Variants in ZZEF1 observed in about 807,000 individuals in gnomAD.
The protein encoded by ZZEF1 is zinc finger ZZ-type and EF-hand domain containing 1.
ZZEF1 carries 157 observed loss-of-function variants against 342.8 expected under a neutral mutation model. That is an observed-to-expected ratio of 0.46 (90% CI 0.40 to 0.52). The LOEUF (loss-of-function observed/expected upper bound fraction) is 0.52, where lower values mean the gene tolerates loss of function less well. Ranked by LOEUF, ZZEF1 falls within the 20% of genes least tolerant of loss-of-function variation. ZZEF1 has a pLI of 0.00. For synonymous variants in ZZEF1, 1,505 were observed against 1,429.1 expected, an observed-to-expected ratio of 1.05 and a Z score of -1.20; for missense variants, 3,480 against 3,725.6, an observed-to-expected ratio of 0.93 and a Z score of 1.72.
rs766653623 is a variant in ZZEF1 at position 4,095,842 on chromosome 17, A to T, written c.1902T>A (p.Phe634Leu). 18 of 1,606,984 alleles carry T rather than the reference A, an allele frequency of 1.1e-5. No homozygotes were observed. The highest frequency in any genetic ancestry group is 1.5e-5 in the Non-Finnish European group (18 of 1,177,080). Residue 634 changes from phenylalanine (F) to leucine (L), a missense_variant, in exon 11 of 55, where the codon TTT (phenylalanine) becomes TTA (leucine). Coordinates refer to ENST00000381638, the MANE Select transcript of ZZEF1 (RefSeq NM_015113.4). ...DKWKLQELRQFVKSRIGCSSD... is the reference protein window; with the variant it reads ...DKWKLQELRQLVKSRIGCSSD... ...TTTTACCTTCTTACCTGCTTTTTAC[A>T]AATTGCCTGAGCTCCTGAAGCTTCC...
chr17:4,050,359 C>G (rs1443378505), intron 36 of ZZEF1, among the ~76,000 whole-genome samples: 1 of 152,110 alleles, frequency 6.6e-6, no homozygotes, highest in African/African-American at 2.4e-5. Flanking sequence ...ACTCCTTAGT[C>G]GAGTCAGATT....
chr17:4,045,585 C>T (rs1019438069), intron 37 of ZZEF1, among the ~76,000 whole-genome samples: 2 of 152,084 alleles, frequency 1.3e-5, no homozygotes. Flanking sequence ...TATTTTATTG[C>T]TGTAGAAACT....
At chr17:4,025,420 C>G (rs963901265) in intron 42 of ZZEF1, among the ~76,000 whole-genome samples, 14 of 152,270 alleles carry the variant, frequency 9.2e-5, no homozygotes, top group Admixed American at 2.6e-4. Context: ...GACGTGGTGG[C>G]TCATGCCTGT....
At chr17:4,050,347 C>A (rs1474206044) in intron 36 of ZZEF1, among the ~76,000 whole-genome samples, 1 of 152,120 alleles carries the variant, frequency 6.6e-6, no homozygotes, top group South Asian at 2.1e-4. Context: ...TTTCTTCCCA[C>A]CACTCCTTAG....
intron 1 of ZZEF1, among the ~76,000 whole-genome samples, chr17:4,139,417 G>A (rs914740966): frequency 1.6e-4 from 25 of 152,272 alleles, no homozygotes; most frequent in Non-Finnish European, 4.4e-5. Context: ...TTATAAAAAC[G>A]AATGACGGAA....
At position 4,059,298 on chromosome 17, in the gene ZZEF1, CAG is replaced by C; in HGVS notation, c.4884-10_4884-9del. 1.3e-6 allele frequency: 2 copies of C among 1,592,306 alleles called. No homozygotes were observed. Among genetic ancestry groups the C allele is most frequent in the South Asian group, 2.3e-5 (2 of 85,334 alleles). On this transcript the variant is annotated splice_polypyrimidine_tract_variant and intron_variant, in intron 30 of 54. Transcript: ENST00000381638. ...TCCAGGTGTCCAAAATAACTAGAAA[CAG>C]AGGAAATCACTGATTCACTTAATTG...
chr17:4,057,590 A>G (rs2057191946), intron 32 of ZZEF1, among the ~76,000 whole-genome samples: 1 of 152,188 alleles, frequency 6.6e-6, no homozygotes, highest in Non-Finnish European at 1.5e-5. Flanking sequence ...TAACATATAC[A>G]TGTAACAAAA....
chr17:4,071,728 G>T (rs1403464365), intron 25 of ZZEF1, among the ~76,000 whole-genome samples: 3 of 152,152 alleles, frequency 2.0e-5, no homozygotes, highest in African/African-American at 7.2e-5. Context: ...AGAAGTGACC[G>T]GTCTTTGGTT....
At chr17:4,126,497 G>A (rs555370751) in intron 1 of ZZEF1, among the ~76,000 whole-genome samples, 1 of 152,278 alleles carries the variant, frequency 6.6e-6, no homozygotes, top group South Asian at 2.1e-4. Flanking sequence ...GGAAACAGAT[G>A]GATAAGTAGT....
rs2057380158 is a variant in ZZEF1, at chr17:4,065,778, AT to A, written c.4249+668del. Among the ~76,000 whole-genome samples, 4 of 152,292 alleles carry A rather than the reference AT, an allele frequency of 2.6e-5. No individual in the cohort carries two copies. The South Asian group carries it at 8.3e-4, about 32-fold the overall frequency. ...AGTTTTAAAAAATAACAACCATAAT[AT>A]TTAAAAAATAATAGTAATTCTTTTA... On this transcript the variant is annotated intron_variant, in intron 28 of 54. Coordinates refer to ENST00000381638, the MANE Select transcript of ZZEF1 (RefSeq NM_015113.4).
rs116539852 is a variant in ZZEF1 at position 4,031,832 on chromosome 17, A to G, written c.6892+294T>C. Among the ~76,000 whole-genome samples, 594 of 152,338 alleles carry G rather than the reference A, an allele frequency of 3.9e-3. 3 individuals are homozygous for G. The highest frequency in any genetic ancestry group is 0.014 in the African/African-American group (562 of 41,562). Reference sequence around the variant, plus strand: ...CAAAATATGTTTAAATTACCCATAGAAAGCAAATGACACCAGCAAATGGAG... The same window carrying G: ...CAAAATATGTTTAAATTACCCATAGGAAGCAAATGACACCAGCAAATGGAG... On this transcript the variant is annotated intron_variant, in intron 42 of 54. Transcript: ENST00000381638.
chr17:4,032,930 A>C lies in ZZEF1; in HGVS notation c.6657T>G (p.Arg2219=). ...LRSLNSAPLW[R]DVIATFTDHC... is the part of the protein sequence containing the mutation. ...GGTCTGTGAAGGTGGCAATGACATC[A>C]CGCCACAGTGGGGCACTGTTGAGTG... The change falls in exon 41 of 55, where the codon CGT becomes CGG. Residue 2219 remains arginine (R), a synonymous_variant. Coordinates refer to ENST00000381638, the MANE Select transcript of ZZEF1 (RefSeq NM_015113.4). 6.2e-7 allele frequency: 1 copy of C among 1,613,000 alleles called. No homozygotes were observed. The highest frequency in any genetic ancestry group is 8.5e-7 in the Non-Finnish European group (1 of 1,179,536).
chr17:4,027,547 G>A (rs1197887127), intron 42 of ZZEF1, among the ~76,000 whole-genome samples: 2 of 148,504 alleles, frequency 1.3e-5, no homozygotes, highest in Non-Finnish European at 3.0e-5. Context: ...AGCCCGCCTC[G>A]GCCTCCCAAA....
chr17:4,054,900 G>A (rs781847), intron 33 of ZZEF1, among the ~76,000 whole-genome samples: 75,178 of 151,894 alleles, frequency 0.49, 20,930 homozygotes, highest in African/African-American at 0.77. Flanking sequence ...TGAAAGGTGC[G>A]TAGATTTGAG....
chr17:4,077,898 C>T lies in ZZEF1; in HGVS notation c.2974G>A (p.Asp992Asn), dbSNP rs542382953. Residue 992 changes from aspartate (D) to asparagine (N), a missense_variant, in exon 19 of 55, where the codon GAC (aspartate) becomes AAC (asparagine). Physicochemically the swap from Asp to Asn is conservative, Grantham distance 23. Transcript: ENST00000381638. ...TDSGAKDLAV[D>N]LIEKYVGQFL... Reference sequence around the variant, plus strand: ...TGAAACTCACATTTTTCAATAAGGTCCACGGCAAGATCTTTGGCTCCAGAG... The same window carrying T: ...TGAAACTCACATTTTTCAATAAGGTTCACGGCAAGATCTTTGGCTCCAGAG... The T allele has an allele frequency of 5.6e-6, 9 of 1,613,982 alleles. No individual in the cohort carries two copies. The South Asian group carries it at 7.7e-5, about 14-fold the overall frequency.
intron 6 of ZZEF1, 116 bp downstream of exon 6, chr17:4,109,537 C>T (rs539534845): frequency 2.4e-5 from 26 of 1,105,448 alleles, no homozygotes; most frequent in South Asian, 5.8e-5. Context: ...CACCTGAGGC[C>T]GAGCTGACTG....
intron 7 of ZZEF1, 74 bp downstream of exon 7, chr17:4,105,618 TA>T (rs1213217660): frequency 1.8e-6 from 2 of 1,108,484 alleles, no homozygotes; most frequent in Non-Finnish European, 2.7e-6. Flanking sequence ...GATTAATATA[TA>T]TTTTTTAAAG....
chr17:4,086,993 C>CAT (rs2057843983), intron 14 of ZZEF1, among the ~76,000 whole-genome samples: 1 of 152,076 alleles, frequency 6.6e-6, no homozygotes, highest in African/African-American at 2.4e-5. Context: ...GCAATTCTTC[C>CAT]GCCTCAGCCT....
intron 12 of ZZEF1, among the ~76,000 whole-genome samples, chr17:4,090,462 T>C (rs2057920655): frequency 6.6e-6 from 1 of 152,248 alleles, no homozygotes; most frequent in Admixed American, 6.5e-5. Flanking sequence ...TCTTCAACAT[T>C]TGACATCACA....
Sources: allele counts gnomAD v4.1 joint callset (sites outside exome capture counted in the v4.1 genomes callset), GRCh38; gene constraint gnomAD v4.1.1; transcripts MANE v1.5; gene names NCBI Gene and HGNC (gene_info 2026-07-23, HGNC 2026-07-21).